WDR93: variants seen among roughly 807,000 people sequenced by gnomAD.
The protein encoded by WDR93 is WD repeat domain 93, also known as WD repeat-containing protein 93.
WDR93 carries 73 observed loss-of-function variants against 82.9 expected under a neutral mutation model. That is an observed-to-expected ratio of 0.88 (90% CI 0.73 to 1.07). WDR93 has a LOEUF of 1.07. Ranked by LOEUF, WDR93 falls within the 50% of genes least tolerant of loss-of-function variation. WDR93 has a pLI of 0.00. For missense variants in WDR93, 738 were observed against 826.0 expected, an observed-to-expected ratio of 0.89 and a Z score of 1.31; for synonymous variants, 283 against 300.1, an observed-to-expected ratio of 0.94 and a Z score of 0.59.
intron 11 of WDR93, among the ~76,000 whole-genome samples, chr15:89,730,484 A>G (rs552942772): frequency 6.6e-6 from 1 of 152,272 alleles, no homozygotes; most frequent in South Asian, 2.1e-4. Flanking sequence ...AATTAATTAC[A>G]CCATTGTTGT....
At chr15:89,699,161 A>G (rs914419895) in intron 1 of WDR93, among the ~76,000 whole-genome samples, 45 of 152,116 alleles carry the variant, frequency 3.0e-4, no homozygotes, top group African/African-American at 1.1e-3. Context: ...CTTTTCCTTC[A>G]GCCTAAAAGC....
Position 89,726,738 on chromosome 15 carries a change from ATG to A in WDR93, c.881-416_881-415del, listed in dbSNP as rs532763316. On this transcript the variant is annotated intron_variant, in intron 8 of 16. Transcript: ENST00000268130. ...AAGAAGAGACTGAGACTGCCTAATT[ATG>A]TGAGTGTTCAGCAGTGGCTGAAAAG... Among the ~76,000 whole-genome samples, 38 of 152,330 alleles carry A rather than the reference ATG, an allele frequency of 2.5e-4. No individual in the cohort carries two copies. The South Asian group carries it at 7.5e-3, about 30-fold the overall frequency.
intron 13 of WDR93, among the ~76,000 whole-genome samples, 195 bp from the exon 14 acceptor site, chr15:89,735,295 G>A (rs1304711752): frequency 6.6e-6 from 1 of 152,118 alleles, no homozygotes; most frequent in African/African-American, 2.4e-5. Flanking sequence ...ATATTTCATT[G>A]TATAAGATAC....
intron 3 of WDR93, chr15:89,705,257 G>A (rs753288156): frequency 1.6e-5 from 6 of 381,862 alleles, no homozygotes; most frequent in African/African-American, 2.1e-5. Flanking sequence ...GCTCAATCAG[G>A]CAGATAGGAA....
rs568930904 is a variant in WDR93, at chr15:89,698,106, G to A, written c.-40-3601G>A. Among the ~76,000 whole-genome samples the A allele has an allele frequency of 7.3e-5, 11 of 151,688 alleles. No individual in the cohort carries two copies. In the East Asian group the frequency reaches 9.7e-4, roughly 13 times the overall value. Reference sequence around the variant, plus strand: ...TCACCGTGTTAGCCAGGATGGTCTCGATCTTCTGACCTCGTGATCCGCCCG... The same window carrying A: ...TCACCGTGTTAGCCAGGATGGTCTCAATCTTCTGACCTCGTGATCCGCCCG... On this transcript the variant is annotated intron_variant, in intron 1 of 16. Coordinates refer to ENST00000268130, the MANE Select transcript of WDR93 (RefSeq NM_020212.2).
chr15:89,723,076 CTG>C (rs148043640), intron 8 of WDR93, among the ~76,000 whole-genome samples: 3,282 of 151,990 alleles, frequency 0.022, 58 homozygotes, highest in Non-Finnish European at 0.035. Context: ...TGGCATGCAC[CTG>C]TGGTCCTGAC....
chr15:89,702,114 C>G, intron 2 of WDR93, 65 bp downstream of exon 2: 1 of 1,494,326 alleles, frequency 6.7e-7, no homozygotes, highest in Admixed American at 2.3e-5. Context: ...ATGAAATCCC[C>G]TGATCCAGGA....
intron 1 of WDR93, among the ~76,000 whole-genome samples, chr15:89,693,164 A>G (rs1964986973): frequency 6.6e-6 from 1 of 152,222 alleles, no homozygotes; most frequent in East Asian, 1.9e-4. Flanking sequence ...TAAAGCTGCT[A>G]TAAATATTTA....
At chr15:89,703,331 C>A in intron 3 of WDR93, 189 bp downstream of exon 3, 2 of 632,486 alleles carry the variant, frequency 3.2e-6, no homozygotes, top group Non-Finnish European at 5.3e-6. Context: ...TGTGCTAGCC[C>A]ATTTAATCCT....
chr15:89,705,494 T>C, intron 3 of WDR93, 60 bp from the exon 4 acceptor site: 1 of 1,048,954 alleles, frequency 9.5e-7, no homozygotes, highest in Non-Finnish European at 1.5e-6. Context: ...ATATAAAATT[T>C]CCAGTTTCTC....
At chr15:89,710,917 T>C (rs1045838841) in intron 4 of WDR93, among the ~76,000 whole-genome samples, 1 of 152,210 alleles carries the variant, frequency 6.6e-6, no homozygotes, top group African/African-American at 2.4e-5. Context: ...GGAAAGATCT[T>C]CCTTATAGAA....
intron 13 of WDR93, among the ~76,000 whole-genome samples, chr15:89,734,709 G>A (rs1967016469): frequency 6.6e-6 from 1 of 151,984 alleles, no homozygotes; most frequent in Non-Finnish European, 1.5e-5. Flanking sequence ...TTTAGGCCAG[G>A]TACAGAGGGT....
intron 13 of WDR93, 128 bp from the exon 14 acceptor site, chr15:89,735,362 A>T: frequency 1.2e-6 from 1 of 859,390 alleles, no homozygotes; most frequent in Non-Finnish European, 1.9e-6. Context: ...ATTTTTTGCT[A>T]CTATGAACAG....
chr15:89,696,871 C>T (rs1207929520), intron 1 of WDR93, among the ~76,000 whole-genome samples: 1 of 152,170 alleles, frequency 6.6e-6, no homozygotes, highest in Non-Finnish European at 1.5e-5. Flanking sequence ...CAAATCCTTT[C>T]TCAGAGTGGC....
chr15:89,732,978 G>T, intron 12 of WDR93, 28 bp from the exon 13 acceptor site: 1 of 1,610,658 alleles, frequency 6.2e-7, no homozygotes, highest in South Asian at 1.1e-5. Context: ...CCCGTTTTCT[G>T]ACCGGCTTGT....
At chr15:89,734,332 C>T (rs1243724180) in intron 13 of WDR93, among the ~76,000 whole-genome samples, 5 of 152,174 alleles carry the variant, frequency 3.3e-5, no homozygotes, top group African/African-American at 1.2e-4. Context: ...CAGCTCACAG[C>T]TCTTCTAAGA....
At chr15:89,735,651 G>A in intron 14 of WDR93, 98 bp downstream of exon 14, 1 of 1,281,030 alleles carries the variant, frequency 7.8e-7, no homozygotes, top group Non-Finnish European at 1.1e-6. Flanking sequence ...TTGAAGGCCT[G>A]TTATGTGTTA....
chr15:89,690,912 C>T (rs1964838654), intron 1 of WDR93, 55 bp downstream of exon 1: 3 of 427,356 alleles, frequency 7.0e-6, no homozygotes, highest in African/African-American at 2.1e-5. Flanking sequence ...AGTCCCAGGA[C>T]TCCCCTTTAC....
chr15:89,733,237 G>A lies in WDR93; in HGVS notation c.1544+18G>A. On this transcript the variant is annotated intron_variant, in intron 13 of 16. Coordinates refer to ENST00000268130, the MANE Select transcript of WDR93 (RefSeq NM_020212.2). ...GTTGAGAGGTCAGTAGCTTGAGGGT[G>A]GGACGGGGTAAATAATTGGCCAGAT... is the stretch of plus-strand genomic sequence containing the variant. 8 of 1,605,514 alleles carry A rather than the reference G, an allele frequency of 5.0e-6. No homozygotes were observed. Among genetic ancestry groups the A allele is most frequent in the Non-Finnish European group, 6.8e-6 (8 of 1,174,326 alleles).
Sources: allele counts gnomAD v4.1 joint callset (sites outside exome capture counted in the v4.1 genomes callset), GRCh38; gene constraint gnomAD v4.1.1; transcripts MANE v1.5; gene names NCBI Gene and HGNC (gene_info 2026-07-23, HGNC 2026-07-21).